MRGPRX1: variants seen among roughly 807,000 people sequenced by gnomAD.
MRGPRX1 encodes mas-related G protein-coupled receptor member X1.
For synonymous variants in MRGPRX1, 208 were observed against 170.4 expected (o/e 1.22, Z -1.72); for missense variants, 411 against 393.8 (o/e 1.04, Z -0.37).
At position 18,934,771 on chromosome 11, in the gene MRGPRX1, A is replaced by ATGG; in HGVS notation, c.11_13dup (p.Thr4dup). 6.3e-7 allele frequency: 1 copy of ATGG among 1,580,250 alleles called. No homozygotes were observed. The highest frequency in any genetic ancestry group is 1.2e-5 in the South Asian group (1 of 85,308). ...TGTCAGTTCTGTGTCCAAGGTTGAGATGGTTGGATCCATGCTCAGAAACCC... is the reference window on the plus strand; with the variant it reads ...TGTCAGTTCTGTGTCCAAGGTTGAGATGGTGGTTGGATCCATGCTCAGAAACCC... On this transcript the variant is annotated inframe_insertion, in exon 2 of 2. Coordinates refer to ENST00000526914, the MANE Select transcript of MRGPRX1 (RefSeq NM_001393578.1).
chr11:18,936,922 C>T (rs189707691), intron 1 of MRGPRX1, among the ~76,000 whole-genome samples: 1,550 of 151,498 alleles, frequency 0.01, 51 homozygotes, highest in Non-Finnish European at 0.016. Flanking sequence ...GGTTCTCTGC[C>T]GCATGATTCA....
intron 1 of MRGPRX1, among the ~76,000 whole-genome samples, chr11:18,937,771 T>A (rs1441691074): frequency 6.6e-6 from 1 of 151,526 alleles, no homozygotes; most frequent in Non-Finnish European, 1.5e-5. Flanking sequence ...ATGAGAGGGG[T>A]CAAACTTGTA....
intron 1 of MRGPRX1, among the ~76,000 whole-genome samples, chr11:18,938,817 A>T (rs1418345197): frequency 6.6e-6 from 1 of 151,488 alleles, no homozygotes; most frequent in Non-Finnish European, 1.5e-5. Context: ...TTAACCTTGC[A>T]CATCTTTGTA....
chr11:18,938,050 C>A (rs12365730), intron 1 of MRGPRX1, among the ~76,000 whole-genome samples: 24,608 of 149,654 alleles, frequency 0.16, 2,653 homozygotes, highest in South Asian at 0.29. Flanking sequence ...GTTTGACACC[C>A]CAAGAGAGTG....
Position 18,934,665 on chromosome 11 carries a change from GA to G in MRGPRX1, c.119del (p.Val40AlafsTer3). 1.2e-6 allele frequency: 2 copies of G among 1,610,834 alleles called. No homozygotes were observed. On this transcript the variant is annotated frameshift_variant, in exon 2 of 2. Coordinates refer to ENST00000526914, the MANE Select transcript of MRGPRX1 (RefSeq NM_001393578.1). LOFTEE classifies it low-confidence loss of function (END_TRUNC). Reference sequence around the variant, plus strand: ...GCACAACTGCGTTTCCTGTCAGCCCGACAAGGGAAACGATGCACGTCAGCAC... The same window carrying G: ...GCACAACTGCGTTTCCTGTCAGCCCGCAAGGGAAACGATGCACGTCAGCAC... ...LTVLTCIVSL[V>X]GLTGNAVVLW...
intron 1 of MRGPRX1, chr11:18,935,318 C>T (rs1233050178): frequency 1.3e-5 from 2 of 153,664 alleles, no homozygotes; most frequent in African/African-American, 4.8e-5. Context: ...GCAGACAGGA[C>T]CACATTTTAC....
chr11:18,934,333 A>G lies in MRGPRX1; in HGVS notation c.452T>C (p.Leu151Pro). The G allele has an allele frequency of 1.2e-6, 2 of 1,610,906 alleles. No individual in the cohort carries two copies. Among genetic ancestry groups the G allele is most frequent in the Admixed American group, 1.7e-5 (1 of 59,436 alleles). Residue 151 changes from leucine (L) to proline (P), a missense_variant, in exon 2 of 2, where the codon CTG becomes CCG. By Grantham distance (98) the Leu-to-Pro change is moderately conservative (BLOSUM62 -3). Coordinates refer to ENST00000526914, the MANE Select transcript of MRGPRX1 (RefSeq NM_001393578.1). ...CATCCACTCCAGGATGCTCCGCAGCAGGGACAGGGCCCAGAGCAGGACACA... is the reference window on the plus strand; with the variant it reads ...CATCCACTCCAGGATGCTCCGCAGCGGGGACAGGGCCCAGAGCAGGACACA... The part of the protein sequence containing the change: ...VVCVLLWALS[L>P]LRSILEWMLC...
chr11:18,936,825 A>G (rs1848844913), intron 1 of MRGPRX1, among the ~76,000 whole-genome samples: 2 of 151,388 alleles, frequency 1.3e-5, no homozygotes, highest in Admixed American at 6.6e-5. Context: ...GGCCTAGAGA[A>G]TTAAAGTGTT....
At position 18,933,857 on chromosome 11, in the gene MRGPRX1, C is replaced by G. The variant is rs779710862; in HGVS notation, c.928G>C (p.Glu310Gln). 9.9e-6 allele frequency: 16 copies of G among 1,609,880 alleles called. 1 individual carries two copies. Among genetic ancestry groups the G allele is most frequent in the East Asian group, 2.2e-5 (1 of 44,796 alleles). Reference protein sequence around the residue: ...EVDEGGGQLPEEILELSGSRL... With the variant: ...EVDEGGGQLPQEILELSGSRL... ...CTTCCCGACAGCTCCAGGATTTCCT[C>G]AGGAAGCTGCCCTCCACCTTCATCC... Residue 310 changes from glutamate (E) to glutamine (Q), a missense_variant, in exon 2 of 2, where the codon GAG becomes CAG. Physicochemically the swap from Glu to Gln is conservative, Grantham distance 29. Transcript: ENST00000526914.
intron 1 of MRGPRX1, among the ~76,000 whole-genome samples, chr11:18,935,735 AGCCTGAGT>A (rs1466325489): frequency 4.0e-5 from 6 of 151,434 alleles, no homozygotes; most frequent in Non-Finnish European, 8.8e-5. Flanking sequence ...AGTGAGGGTG[AGCCTGAGT>A]GCCACTGCAG....
Position 18,933,891 on chromosome 11 carries a change from C to T in MRGPRX1, c.894G>A (p.Ala298=), listed in dbSNP as rs374955450. The T allele has an allele frequency of 9.3e-6, 15 of 1,610,722 alleles. No individual in the cohort carries two copies. Among genetic ancestry groups the T allele is most frequent in the East Asian group, 2.2e-5 (1 of 44,810 alleles). The stretch of plus-strand genomic sequence containing the variant: ...GCCCTCCACCTTCATCCACCTCAGA[C>T]GCGTCCTGCAGAGCCCTCTGGAGAA... ...KLVLQRALQD[A]SEVDEGGGQL... Residue 298 remains alanine (A), a synonymous_variant, in exon 2 of 2, where the codon GCG becomes GCA. Transcript: ENST00000526914.
Position 18,933,920 on chromosome 11 carries a change from G to C in MRGPRX1, c.865C>G (p.Leu289Val). Reference sequence around the variant, plus strand: ...TCCTGCAGAGCCCTCTGGAGAACCAGCTTCAGGTTCTGCCTATTTTGACGC... The same window carrying C: ...TCCTGCAGAGCCCTCTGGAGAACCACCTTCAGGTTCTGCCTATTTTGACGC... ...RQRQNRQNLK[L>V]VLQRALQDAS... The change falls in exon 2 of 2, where the codon CTG becomes GTG. Residue 289 changes from leucine to valine, a missense_variant. Coordinates refer to ENST00000526914, the MANE Select transcript of MRGPRX1 (RefSeq NM_001393578.1). 2 of 1,610,958 alleles carry C rather than the reference G, an allele frequency of 1.2e-6. No individual in the cohort carries two copies. The highest frequency in any genetic ancestry group is 1.7e-6 in the Non-Finnish European group (2 of 1,178,226).
intron 1 of MRGPRX1, among the ~76,000 whole-genome samples, 179 bp downstream of exon 1, chr11:18,939,101 G>T (rs1477159338): frequency 3.3e-5 from 5 of 151,406 alleles, no homozygotes; most frequent in African/African-American, 1.2e-4. Context: ...GGGGACTCCA[G>T]TTGAAACTCA....
chr11:18,937,927 C>A (rs543520662), intron 1 of MRGPRX1, among the ~76,000 whole-genome samples: 1 of 151,624 alleles, frequency 6.6e-6, no homozygotes, highest in Non-Finnish European at 1.5e-5. Context: ...TGAAATGAGA[C>A]AGGAATCAAT....
Position 18,933,697 on chromosome 11 carries a change from C to T in MRGPRX1, c.*119G>A. 2 of 1,473,556 alleles carry T rather than the reference C, an allele frequency of 1.4e-6. No homozygotes were observed. Among genetic ancestry groups the T allele is most frequent in the South Asian group, 2.8e-5 (2 of 70,650 alleles). 91.3% of individuals were successfully genotyped at this position (1,473,556 alleles called of 1,614,324 possible). A position where few individuals can be genotyped will look rare whatever the true frequency, so the allele number is the denominator to read the frequency against. Reference sequence around the variant, plus strand: ...GGTTAGATAAACATCTATTTGAAGACCTTGAGGAACCACTGAGACATTTCT... The same window carrying T: ...GGTTAGATAAACATCTATTTGAAGATCTTGAGGAACCACTGAGACATTTCT... On this transcript the variant is annotated 3_prime_UTR_variant, in exon 2 of 2. Coordinates refer to ENST00000526914, the MANE Select transcript of MRGPRX1 (RefSeq NM_001393578.1).
chr11:18,937,399 T>C (rs1848849569), intron 1 of MRGPRX1, among the ~76,000 whole-genome samples: 1 of 151,392 alleles, frequency 6.6e-6, no homozygotes, highest in Non-Finnish European at 1.5e-5. Flanking sequence ...ATATGGCAGA[T>C]GTGTGTGCTG....
In MRGPRX1 at chr11:18,934,232, T is replaced by C. The variant is rs147540250; in HGVS notation, c.553A>G (p.Ile185Val). The change falls in exon 2 of 2, where the codon ATT becomes GTT. Residue 185 changes from isoleucine to valine, a missense_variant. Ile to Val is a conservative substitution (Grantham distance 29). Transcript: ENST00000526914. ...TSDFITVAWL[I>V]FLCVVLCGSS... ...CCACAGAGAACCACACATAAAAAAA[T>C]CAGCCACGCGACTGTGATGAAATCT... The C allele has an allele frequency of 1.4e-5, 23 of 1,609,910 alleles. No homozygotes were observed. Among genetic ancestry groups the C allele is most frequent in the African/African-American group, 1.1e-4 (8 of 74,438 alleles).
chr11:18,935,505 A>G (rs564878213), intron 1 of MRGPRX1, among the ~76,000 whole-genome samples: 3 of 151,756 alleles, frequency 2.0e-5, no homozygotes, highest in Admixed American at 6.6e-5. Context: ...AATTAGGTAC[A>G]GAAAATTTCA....
intron 1 of MRGPRX1, among the ~76,000 whole-genome samples, chr11:18,937,016 T>C (rs1156797587): frequency 1.3e-5 from 2 of 151,374 alleles, no homozygotes; most frequent in Non-Finnish European, 3.0e-5. Flanking sequence ...GTTGCCCCAG[T>C]GTTCATTTTC....
Sources: allele counts gnomAD v4.1 joint callset (sites outside exome capture counted in the v4.1 genomes callset), GRCh38; gene constraint gnomAD v4.1.1; transcripts MANE v1.5; gene names NCBI Gene and HGNC (gene_info 2026-07-23, HGNC 2026-07-21).